The following PRKCE variants were observed in gnomAD, a reference collection of about 807,000 sequenced individuals.
PRKCE encodes the protein protein kinase C epsilon type.
PRKCE carries 16 observed loss-of-function variants against 85.4 expected under a neutral mutation model. That is an observed-to-expected ratio of 0.19 (90% CI 0.13 to 0.28). The LOEUF (loss-of-function observed/expected upper bound fraction) is 0.28, where lower values mean the gene tolerates loss of function less well. PRKCE is among the 10% of genes least tolerant of loss of function. PRKCE has a pLI of 1.00. For synonymous variants in PRKCE, 388 were observed against 371.5 expected (o/e 1.04, Z -0.51); for missense variants, 573 against 975.2 (o/e 0.59, Z 5.49).
chr2:46,102,848 A>G (rs1297950893), intron 11 of PRKCE, among the ~76,000 whole-genome samples: 2 of 152,170 alleles, frequency 1.3e-5, no homozygotes, highest in Non-Finnish European at 2.9e-5. Flanking sequence ...TATCAACATG[A>G]CTTATCATTG....
intron 1 of PRKCE, among the ~76,000 whole-genome samples, chr2:45,664,843 G>A (rs770873580): frequency 3.9e-5 from 6 of 152,140 alleles, no homozygotes; most frequent in Non-Finnish European, 8.8e-5. Flanking sequence ...CATTTTGTGT[G>A]GTCCAGGTGT....
intron 11 of PRKCE, among the ~76,000 whole-genome samples, chr2:46,117,862 G>C (rs1207811680): frequency 2.0e-5 from 3 of 152,140 alleles, no homozygotes; most frequent in African/African-American, 7.2e-5. Context: ...CAGGGTTGTT[G>C]CTAAGGATGT....
chr2:45,776,482 C>T (rs1020652281), intron 1 of PRKCE, among the ~76,000 whole-genome samples: 1 of 152,140 alleles, frequency 6.6e-6, no homozygotes, highest in Non-Finnish European at 1.5e-5. Flanking sequence ...TTTAGGGTGT[C>T]CTAATAAACG....
At chr2:45,698,879 C>G (rs891705538) in intron 1 of PRKCE, among the ~76,000 whole-genome samples, 3 of 151,378 alleles carry the variant, frequency 2.0e-5, no homozygotes, top group African/African-American at 7.4e-5. Flanking sequence ...ATGTGGTTAC[C>G]CTCCCTTTTG....
At chr2:45,854,550 C>A (rs759164211) in intron 2 of PRKCE, among the ~76,000 whole-genome samples, 3 of 152,160 alleles carry the variant, frequency 2.0e-5, no homozygotes, top group Admixed American at 6.5e-5. Flanking sequence ...ACTAACCAGC[C>A]TATTGAAGGT....
intron 10 of PRKCE, among the ~76,000 whole-genome samples, chr2:46,076,372 C>A (rs1013838083): frequency 1.7e-4 from 26 of 152,128 alleles, no homozygotes; most frequent in African/African-American, 6.3e-4. Flanking sequence ...TCTATTGGAC[C>A]AAAACTTTTC....
At chr2:45,957,678 A>C (rs967311988) in intron 2 of PRKCE, among the ~76,000 whole-genome samples, 4 of 151,984 alleles carry the variant, frequency 2.6e-5, no homozygotes, top group African/African-American at 2.4e-5. Flanking sequence ...TCGGAGGCCA[A>C]GGTGGAAAGA....
At chr2:46,110,676 T>C (rs1672172599) in intron 11 of PRKCE, among the ~76,000 whole-genome samples, 1 of 152,036 alleles carries the variant, frequency 6.6e-6, no homozygotes, top group African/African-American at 2.4e-5. Context: ...CTATTGTTTT[T>C]CTGTTTTACA....
intron 1 of PRKCE, among the ~76,000 whole-genome samples, chr2:45,741,278 T>C (rs903811549): frequency 1.3e-5 from 2 of 152,222 alleles, no homozygotes; most frequent in African/African-American, 4.8e-5. Context: ...GAATATCCAA[T>C]TGAACAGCTG....
intron 2 of PRKCE, among the ~76,000 whole-genome samples, chr2:45,961,325 C>T (rs1467186816): frequency 1.3e-5 from 2 of 152,166 alleles, no homozygotes; most frequent in Non-Finnish European, 2.9e-5. Context: ...TCCTGCTTTA[C>T]CTATTACCTC....
chr2:46,129,713 A>C (rs1674224488), intron 11 of PRKCE, among the ~76,000 whole-genome samples: 1 of 152,256 alleles, frequency 6.6e-6, no homozygotes. Context: ...AAGGCTGCCC[A>C]CAGGAAGCTG....
chr2:45,859,057 T>G (rs1336749187), intron 2 of PRKCE, among the ~76,000 whole-genome samples: 1 of 143,722 alleles, frequency 7.0e-6, no homozygotes, highest in Admixed American at 6.8e-5. Flanking sequence ...AATAAATAAA[T>G]AAATAAATAA....
chr2:46,094,180 T>C (rs12993373), intron 11 of PRKCE, among the ~76,000 whole-genome samples: 58,791 of 152,060 alleles, frequency 0.39, 13,716 homozygotes, highest in Non-Finnish European at 0.51. Flanking sequence ...GTGTGCCTGC[T>C]GCAAAGCTGT....
chr2:46,155,778 A>T lies in PRKCE; in HGVS notation c.1921-3828A>T, dbSNP rs535433331. 9.5e-4 allele frequency among the ~76,000 whole-genome samples: 144 copies of T among 152,126 alleles called. No individual in the cohort carries two copies. The highest frequency in any genetic ancestry group is 2.2e-3 in the Admixed American group (33 of 15,286). On this transcript the variant is annotated intron_variant, in intron 13 of 14. Coordinates refer to ENST00000306156, the MANE Select transcript of PRKCE (RefSeq NM_005400.3). This position sits in a 1 kb window ranked among gnomAD's most constrained non-coding sequence, Gnocchi z 4.7. ...TCCCCCTGCTAACCTTTTCCATTTG[A>T]GTTACCTTTCTCCATCCTTCTCCCC...
chr2:45,913,979 A>T (rs1697567644), intron 2 of PRKCE, among the ~76,000 whole-genome samples: 1 of 152,160 alleles, frequency 6.6e-6, no homozygotes, highest in Admixed American at 6.5e-5. Flanking sequence ...GAATTTACTG[A>T]GATTTTATTT....
chr2:45,990,626 A>G (rs1275210586), intron 6 of PRKCE, among the ~76,000 whole-genome samples: 1 of 148,876 alleles, frequency 6.7e-6, no homozygotes, highest in Admixed American at 6.7e-5. Context: ...CTAACATAGC[A>G]CTTATCATCT....
chr2:45,681,653 C>G (rs1344607701), intron 1 of PRKCE, among the ~76,000 whole-genome samples: 1 of 152,162 alleles, frequency 6.6e-6, no homozygotes, highest in Non-Finnish European at 1.5e-5. Context: ...TCTACCTGGG[C>G]CTGTGGATGA....
At chr2:45,945,815 G>A (rs549844525) in intron 2 of PRKCE, among the ~76,000 whole-genome samples, 9 of 152,220 alleles carry the variant, frequency 5.9e-5, no homozygotes, top group Non-Finnish European at 1.3e-4. Context: ...ACAACCCCTT[G>A]ACAGAAAAGA....
intron 10 of PRKCE, among the ~76,000 whole-genome samples, chr2:46,082,219 G>C (rs560065742): frequency 6.6e-6 from 1 of 152,130 alleles, no homozygotes; most frequent in Non-Finnish European, 1.5e-5. Context: ...CAGAAGCAAG[G>C]CATCTGCAAG....
Sources: allele counts gnomAD v4.1 joint callset (sites outside exome capture counted in the v4.1 genomes callset), GRCh38; gene constraint gnomAD v4.1.1; non-coding constraint Gnocchi (gnomAD v3.1); transcripts MANE v1.5; gene names NCBI Gene and HGNC (gene_info 2026-07-23, HGNC 2026-07-21).